The following USP10 variants were observed in gnomAD, a reference collection of about 807,000 sequenced individuals.
The protein encoded by USP10 is ubiquitin carboxyl-terminal hydrolase 10.
USP10 carries 22 observed loss-of-function variants against 84.5 expected under a neutral mutation model. The observed-to-expected ratio is 0.26, with a 90% CI of 0.19 to 0.37. The LOEUF is 0.37. Ranked by LOEUF, USP10 falls within the 10% of genes least tolerant of loss-of-function variation. The pLI is 1.00. For synonymous variants in USP10, 454 were observed against 387.6 expected, an observed-to-expected ratio of 1.17 and a Z score of -2.01; for missense variants, 1,019 against 998.9, an observed-to-expected ratio of 1.02 and a Z score of -0.27.
In USP10 at chr16:84,733,650, G is replaced by T. The variant is rs146869439; in HGVS notation, c.90+147G>T. The T allele has an allele frequency of 1.2e-3, 663 of 530,634 alleles. 11 individuals carry two copies. The East Asian group carries it at 0.019, about 15-fold the overall frequency. The allele number at this position is 530,634 out of a possible 1,614,324, so 32.9% of individuals were successfully genotyped here. On this transcript the variant is annotated intron_variant, in intron 2 of 13. Coordinates refer to ENST00000219473, the MANE Select transcript of USP10 (RefSeq NM_005153.3). ...GAGAAATGCCTCAACCCACCAACTA[G>T]ATTTGACTGACATTTGATTTGACAT...
At chr16:84,772,735 A>G (rs1298301834) in intron 12 of USP10, 50 bp downstream of exon 12, 1 of 1,603,106 alleles carries the variant, frequency 6.2e-7, no homozygotes, top group Non-Finnish European at 8.5e-7. Context: ...ACTCCTGCAC[A>G]TCAGAAGCTC....
At chr16:84,766,191 G>A (rs919196052) in intron 10 of USP10, among the ~76,000 whole-genome samples, 7 of 152,192 alleles carry the variant, frequency 4.6e-5, no homozygotes, top group African/African-American at 9.7e-5. Flanking sequence ...CTGCGCTGAC[G>A]CCCTCAGAAG....
In USP10 at chr16:84,775,173, A is replaced by G. The variant is rs2150876203; in HGVS notation, c.2157A>G (p.Pro719=). 3 of 1,613,836 alleles carry G rather than the reference A, an allele frequency of 1.9e-6. No individual in the cohort carries two copies. The highest frequency in any genetic ancestry group is 2.5e-6 in the Non-Finnish European group (3 of 1,179,740). The change falls in exon 13 of 14, where the codon CCA becomes CCG. Residue 719 remains proline, a synonymous_variant. Coordinates refer to ENST00000219473, the MANE Select transcript of USP10 (RefSeq NM_005153.3). The stretch of plus-strand genomic sequence containing the variant: ...TTTGTTTTCCAGAACTGCTTTCTCC[A>G]GGGGTTAAAAATAAGAATTTTAAAT... ...DLEISKELLS[P]GVKNKNFKCH...
intron 1 of USP10, among the ~76,000 whole-genome samples, chr16:84,726,048 C>A (rs989582701): frequency 6.6e-6 from 1 of 152,238 alleles, no homozygotes; most frequent in Non-Finnish European, 1.5e-5. Flanking sequence ...GCCTCGGAAA[C>A]TGCAGGTACA....
chr16:84,700,464 G>A (rs1904707904), intron 1 of USP10, among the ~76,000 whole-genome samples: 1 of 151,956 alleles, frequency 6.6e-6, no homozygotes, highest in East Asian at 1.9e-4. Flanking sequence ...GGCCGGGGGA[G>A]GCGGCCCGGG....
intron 3 of USP10, 83 bp downstream of exon 3, chr16:84,740,452 C>G (rs540244017): frequency 6.2e-6 from 7 of 1,121,348 alleles, no homozygotes; most frequent in Middle Eastern, 2.0e-4. Context: ...ACATTGTTTC[C>G]CATTTGAATA....
chr16:84,749,857 C>G (rs1334963163), intron 4 of USP10, among the ~76,000 whole-genome samples: 1 of 152,072 alleles, frequency 6.6e-6, no homozygotes, highest in Admixed American at 6.5e-5. Flanking sequence ...GGTGGCAAGG[C>G]CATCTCCTCG....
intron 1 of USP10, among the ~76,000 whole-genome samples, chr16:84,706,187 T>C (rs959740246): frequency 1.3e-5 from 2 of 151,928 alleles, no homozygotes; most frequent in Non-Finnish European, 2.9e-5. Context: ...CTAGCCTCCC[T>C]ATTCATTCTG....
At chr16:84,722,463 A>G (rs1907938168) in intron 1 of USP10, among the ~76,000 whole-genome samples, 1 of 152,202 alleles carries the variant, frequency 6.6e-6, no homozygotes, top group Non-Finnish European at 1.5e-5. Context: ...TCTATTCTGT[A>G]AGAAACTGCA....
intron 1 of USP10, among the ~76,000 whole-genome samples, chr16:84,704,481 T>C (rs187239182): frequency 3.9e-5 from 6 of 152,098 alleles, no homozygotes; most frequent in Non-Finnish European, 7.4e-5. Flanking sequence ...GTGTAGATGT[T>C]CATTTCCAGA....
intron 4 of USP10, among the ~76,000 whole-genome samples, chr16:84,755,513 T>C (rs1377628165): frequency 6.6e-6 from 1 of 152,040 alleles, no homozygotes; most frequent in African/African-American, 2.4e-5. Context: ...AGCCCTGCAC[T>C]CTGGGGACCT....
In USP10 at chr16:84,743,141, A is replaced by G. The variant is rs569142354; in HGVS notation, c.152-1492A>G. Among the ~76,000 whole-genome samples, 3 of 152,360 alleles carry G rather than the reference A, an allele frequency of 2.0e-5. No homozygotes were observed. In the East Asian group the frequency reaches 5.8e-4, roughly 29 times the overall value. ...AGCCAGCCCCTACATATGATAATAA[A>G]TTCATTTCCCCTTGATATTCTTTTC... On this transcript the variant is annotated intron_variant, in intron 3 of 13. Coordinates refer to ENST00000219473, the MANE Select transcript of USP10 (RefSeq NM_005153.3).
chr16:84,703,391 G>A (rs1258382098), intron 1 of USP10, among the ~76,000 whole-genome samples: 1 of 152,166 alleles, frequency 6.6e-6, no homozygotes, highest in Non-Finnish European at 1.5e-5. Flanking sequence ...TTCTGTCCTT[G>A]TCTCTGCATA....
At chr16:84,774,242 C>CA in intron 12 of USP10, among the ~76,000 whole-genome samples, 1 of 151,686 alleles carries the variant, frequency 6.6e-6, no homozygotes, top group Admixed American at 6.6e-5. Flanking sequence ...GACTCCATCT[C>CA]AAAAAAATAA....
At chr16:84,772,768 A>G (rs1269967893) in intron 12 of USP10, 83 bp downstream of exon 12, 3 of 1,532,760 alleles carry the variant, frequency 2.0e-6, no homozygotes, top group African/African-American at 1.4e-5. Flanking sequence ...TTTCTTTATG[A>G]TGTCAAGAGT....
chr16:84,770,499 G>A (rs931257039), intron 11 of USP10, among the ~76,000 whole-genome samples: 10 of 152,198 alleles, frequency 6.6e-5, no homozygotes, highest in Admixed American at 3.3e-4. Flanking sequence ...TTGGCTGGGC[G>A]AGGTGGCTCA....
intron 4 of USP10, among the ~76,000 whole-genome samples, chr16:84,754,162 C>T (rs959041720): frequency 6.6e-6 from 1 of 152,166 alleles, no homozygotes; most frequent in African/African-American, 2.4e-5. Context: ...AGGTCAGCTA[C>T]TGTGGAGACA....
intron 4 of USP10, among the ~76,000 whole-genome samples, chr16:84,755,249 T>C (rs1325911615): frequency 6.6e-6 from 1 of 151,762 alleles, no homozygotes; most frequent in Non-Finnish European, 1.5e-5. Context: ...ACCTCTGGCA[T>C]CTTCGCCCTA....
intron 1 of USP10, among the ~76,000 whole-genome samples, chr16:84,700,885 C>T (rs1479224629): frequency 2.6e-5 from 4 of 151,954 alleles, no homozygotes. Flanking sequence ...AGCTCTTATT[C>T]CCCTCTCCCA....
Sources: gnomAD v4.1 joint callset for allele counts (sites outside exome capture counted in the v4.1 genomes callset) on GRCh38, gnomAD v4.1.1 for gene constraint, MANE v1.5 for transcripts, NCBI Gene and HGNC (gene_info 2026-07-23, HGNC 2026-07-21) for gene names.